USP35: variants seen among roughly 807,000 people sequenced by gnomAD.
USP35 encodes ubiquitin carboxyl-terminal hydrolase 35.
Under a neutral mutation model 83.8 loss-of-function variants are expected in USP35, and 69 were observed. The observed-to-expected ratio is 0.82, with a 90% CI of 0.68 to 1.01. The LOEUF is 1.01. Among genes scored for constraint, USP35 ranks in the 50% least tolerant of loss-of-function variants. USP35 has a pLI of 0.00. For synonymous variants in USP35, 714 were observed against 589.5 expected, an observed-to-expected ratio of 1.21 and a Z score of -3.06; for missense variants, 1,503 against 1,362.5, an observed-to-expected ratio of 1.10 and a Z score of -1.62.
chr11:78,201,715 C>T (rs753767385), intron 6 of USP35, among the ~76,000 whole-genome samples: 2 of 152,114 alleles, frequency 1.3e-5, no homozygotes, highest in African/African-American at 4.8e-5. Flanking sequence ...CACAAGAAAC[C>T]TACAAAGATG....
intron 1 of USP35, among the ~76,000 whole-genome samples, chr11:78,191,123 G>T (rs558640545): frequency 1.3e-4 from 20 of 152,270 alleles, no homozygotes; most frequent in African/African-American, 4.8e-4. Context: ...GGGGGCCCAG[G>T]GCGTGGCAGT....
At chr11:78,200,345 G>C in intron 5 of USP35, 111 bp downstream of exon 5, 1 of 1,319,604 alleles carries the variant, frequency 7.6e-7, no homozygotes, top group Non-Finnish European at 1.1e-6. Context: ...GGGCTCTTGG[G>C]GCAGGTCACT....
At chr11:78,195,739 G>A (rs1415205714) in intron 1 of USP35, among the ~76,000 whole-genome samples, 2 of 152,138 alleles carry the variant, frequency 1.3e-5, no homozygotes, top group Admixed American at 1.3e-4. Context: ...AAGTCCCTGG[G>A]GTTAATTTAT....
downstream of USP35, chr11:78,219,213 G>A (rs1864294781): frequency 1.3e-6 from 2 of 1,521,230 alleles, no homozygotes; most frequent in Non-Finnish European, 1.8e-6. Context: ...GGGGAGAGGG[G>A]AGATGGGAAG....
At chr11:78,212,063 A>C (rs1364058804) in intron 10 of USP35, among the ~76,000 whole-genome samples, 6 of 152,120 alleles carry the variant, frequency 3.9e-5, no homozygotes, top group Non-Finnish European at 1.5e-5. Context: ...CTAGGGGTTT[A>C]ATACCTTTGG....
At chr11:78,200,365 C>T (rs1160024724) in intron 5 of USP35, 131 bp downstream of exon 5, 6 of 1,128,244 alleles carry the variant, frequency 5.3e-6, no homozygotes, top group Non-Finnish European at 3.9e-6. Flanking sequence ...TTGGCTGAGG[C>T]CAAGCAGCTG....
intron 1 of USP35, among the ~76,000 whole-genome samples, chr11:78,190,695 T>C (rs1187518090): frequency 6.6e-6 from 1 of 152,198 alleles, no homozygotes; most frequent in East Asian, 1.9e-4. Flanking sequence ...GCCAGAACTT[T>C]AGACACTTGA....
At position 78,200,643 on chromosome 11, in the gene USP35, C is replaced by G; in HGVS notation, c.1039-7C>G. 1.2e-6 allele frequency: 2 copies of G among 1,605,140 alleles called. No homozygotes were observed. Among genetic ancestry groups the G allele is most frequent in the Non-Finnish European group, 1.7e-6 (2 of 1,174,740 alleles). On this transcript the variant is annotated splice_region_variant and splice_polypyrimidine_tract_variant and intron_variant, in intron 5 of 10. Transcript: ENST00000529308. ...GTGCTGAGCCTGACGCAGCTCTGCT[C>G]CCACAGCTCCTCCCTCACATCCCCC...
intron 6 of USP35, among the ~76,000 whole-genome samples, 183 bp downstream of exon 6, chr11:78,200,991 A>T (rs1863339056): frequency 6.6e-6 from 1 of 152,236 alleles, no homozygotes; most frequent in Non-Finnish European, 1.5e-5. Context: ...TTCCCCAAGT[A>T]GGCTGGGCTG....
chr11:78,223,037 G>A, the USP35 span, among the ~76,000 whole-genome samples: 2 of 152,162 alleles, frequency 1.3e-5, no homozygotes, highest in African/African-American at 4.8e-5. Flanking sequence ...ATTCCCTGTT[G>A]GCCAGACCCA....
intron 1 of USP35, among the ~76,000 whole-genome samples, chr11:78,195,295 CT>C (rs985853448): frequency 1.2e-4 from 18 of 152,110 alleles, no homozygotes; most frequent in Non-Finnish European, 1.9e-4. Flanking sequence ...TTTAGATAGG[CT>C]TTGAAGGAAA....
At chr11:78,199,178 C>A in intron 3 of USP35, 1 of 221,316 alleles carries the variant, frequency 4.5e-6, no homozygotes, top group Non-Finnish European at 9.2e-6. Flanking sequence ...GAGGTATTAT[C>A]CCCATTTTAC....
intron 10 of USP35, 77 bp from the exon 11 acceptor site, chr11:78,213,569 G>T: frequency 7.1e-7 from 1 of 1,400,784 alleles, no homozygotes. Context: ...ACATTGAAAG[G>T]TGTTGTGCTG....
Position 78,209,549 on chromosome 11 carries a change from C to G in USP35, c.1694C>G (p.Ser565Cys). The change falls in exon 10 of 11, where the codon TCT (serine) becomes TGT (cysteine). Residue 565 changes from serine to cysteine, a missense_variant. Transcript: ENST00000529308. ...GAGCCCCCGGCCCCAAGTTCAACCT[C>G]TGTGGAAAAAATGTTTGGAGGCAAG... ...PEEPPAPSSTSVEKMFGGKIV... is the reference protein window; with the variant it reads ...PEEPPAPSSTCVEKMFGGKIV... 6.2e-7 allele frequency: 1 copy of G among 1,614,154 alleles called. No individual in the cohort carries two copies. Among genetic ancestry groups the G allele is most frequent in the Non-Finnish European group, 8.5e-7 (1 of 1,180,020 alleles).
At position 78,189,085 on chromosome 11, in the gene USP35, CG is replaced by C; in HGVS notation, c.-80del. 1 of 522,506 alleles carries C rather than the reference CG, an allele frequency of 1.9e-6. No individual in the cohort carries two copies. Among genetic ancestry groups the C allele is most frequent in the Non-Finnish European group, 2.5e-6 (1 of 406,874 alleles). 32.4% of individuals were successfully genotyped at this position (522,506 alleles called of 1,614,324 possible). On this transcript the variant is annotated 5_prime_UTR_variant, in exon 1 of 11. Coordinates refer to ENST00000529308, the MANE Select transcript of USP35 (RefSeq NM_020798.4). ...AGCAGAGGACCAGCCCTGACCTAGC[CG>C]GGCCCAGCCTCGTCCTGCCCGGCCT...
At chr11:78,228,091 G>A in the USP35 span, among the ~76,000 whole-genome samples, 20 of 152,214 alleles carry the variant, frequency 1.3e-4, no homozygotes, top group Non-Finnish European at 1.0e-4. Flanking sequence ...CTACTGATAC[G>A]TGCTGTGTGT....
At chr11:78,202,417 T>C (rs1863384151) in intron 6 of USP35, among the ~76,000 whole-genome samples, 1 of 152,122 alleles carries the variant, frequency 6.6e-6, no homozygotes. Flanking sequence ...GATTTAGGGG[T>C]TCAAATTCAT....
Position 78,199,791 on chromosome 11 carries a change from G to A in USP35, c.936+67G>A, listed in dbSNP as rs11237417. 7 of 1,607,990 alleles carry A rather than the reference G, an allele frequency of 4.4e-6. No individual in the cohort carries two copies. The Admixed American group carries it at 1.0e-4, about 23-fold the overall frequency. On this transcript the variant is annotated intron_variant, in intron 4 of 10. Coordinates refer to ENST00000529308, the MANE Select transcript of USP35 (RefSeq NM_020798.4). ...CTAGGCTCTTGCCAGGGGCGGTGCA[G>A]GTCTGGGAGGTCAGAGCATTGGGCC... is the stretch of plus-strand genomic sequence containing the variant.
chr11:78,214,415 A>C lies in USP35; in HGVS notation c.*602A>C, dbSNP rs1165583033. On this transcript the variant is annotated 3_prime_UTR_variant, in exon 11 of 11. Coordinates refer to ENST00000529308, the MANE Select transcript of USP35 (RefSeq NM_020798.4). ...CGGGGGGCTAGCTTCTCACAGCAGG[A>C]GGCCTTTGCCCCCACAGCCCCTCCA... 1 of 132,492 alleles carries C rather than the reference A, an allele frequency of 7.5e-6. No individual in the cohort carries two copies. Among genetic ancestry groups the C allele is most frequent in the Non-Finnish European group, 1.6e-5 (1 of 61,218 alleles). The allele number at this position is 132,492 out of a possible 1,614,324, so 8.2% of individuals were successfully genotyped here.
Sources: gnomAD v4.1 joint callset for allele counts (sites outside exome capture counted in the v4.1 genomes callset) on GRCh38, gnomAD v4.1.1 for gene constraint, MANE v1.5 for transcripts, NCBI Gene and HGNC (gene_info 2026-07-23, HGNC 2026-07-21) for gene names.